Variants in ZNF843 observed in about 807,000 individuals in gnomAD.
ZNF843 encodes the protein zinc finger protein 843.
For missense variants in ZNF843, 482 were observed against 469.4 expected (o/e 1.03, Z -0.25); for synonymous variants, 185 against 207.7 (o/e 0.89, Z 0.94).
At position 31,435,873 on chromosome 16, in the gene ZNF843, C is replaced by A. The variant is rs772425472; in HGVS notation, c.977G>T (p.Trp326Leu). The A allele has an allele frequency of 7.8e-6, 12 of 1,530,736 alleles. No individual in the cohort carries two copies. The African/African-American group carries it at 1.5e-4, about 19-fold the overall frequency. The allele number at this position is 1,530,736 out of a possible 1,614,324, so 94.8% of individuals were successfully genotyped here. The change falls in exon 2 of 2, where the codon TGG (tryptophan) becomes TTG (leucine). Residue 326 changes from tryptophan to leucine, a missense_variant. Trp to Leu is a moderately conservative substitution (Grantham distance 61, BLOSUM62 -2). Transcript: ENST00000315678. ...CGGAAACACTGGTAGGGCTCCTCTC[C>A]AGTGTGGGTTCGAGGGCGGTGGAGG... is the stretch of plus-strand genomic sequence containing the variant. ...RAPPPPSNPH[W>L]RGALPVFPVW... is the part of the protein sequence containing the mutation.
At chr16:31,437,436 TG>T (rs914835656) in intron 1 of ZNF843, among the ~76,000 whole-genome samples, 3 of 150,420 alleles carry the variant, frequency 2.0e-5, no homozygotes, top group Non-Finnish European at 4.4e-5. Context: ...CTCAAGTAGC[TG>T]GGACTGTAGT....
upstream of ZNF843, chr16:31,443,113 T>C (rs1362853631): frequency 1.3e-5 from 2 of 152,256 alleles, no homozygotes; most frequent in African/African-American, 2.4e-5. Flanking sequence ...GCCATGCGCA[T>C]GCACACACGC....
In ZNF843 at chr16:31,436,165, G is replaced by A. The variant is rs1247958829; in HGVS notation, c.685C>T (p.Leu229Phe). 38 of 1,542,020 alleles carry A rather than the reference G, an allele frequency of 2.5e-5. No homozygotes were observed. Among genetic ancestry groups the A allele is most frequent in the Non-Finnish European group, 3.3e-5 (38 of 1,141,806 alleles). Reference protein sequence around the residue: ...PFLYPGPPLSLQPLVPSGLPA... With the variant: ...PFLYPGPPLSFQPLVPSGLPA... ...AGGCCGGATGGAACCAGAGGCTGGA[G>A]ACTGAGTGGGGGGCCAGGATAAAGG... Residue 229 changes from leucine (L) to phenylalanine (F), a missense_variant, in exon 2 of 2, where the codon CTC becomes TTC. Transcript: ENST00000315678.
At chr16:31,439,565 T>C (rs984301128) in intron 1 of ZNF843, among the ~76,000 whole-genome samples, 59 of 152,242 alleles carry the variant, frequency 3.9e-4, no homozygotes, top group Admixed American at 3.5e-3. Flanking sequence ...AAAGAGGAAC[T>C]GCTGTTACCT....
chr16:31,435,705 C>T lies in ZNF843; in HGVS notation c.*98G>A. 2 of 1,232,236 alleles carry T rather than the reference C, an allele frequency of 1.6e-6. No individual in the cohort carries two copies. The highest frequency in any genetic ancestry group is 2.8e-5 in the East Asian group (1 of 35,694). 76.3% of individuals were successfully genotyped at this position (1,232,236 alleles called of 1,614,324 possible). The stretch of plus-strand genomic sequence containing the variant: ...AAGATCTGCCATACAGAAAAGCCGT[C>T]CTGAGCGGGTCTGTGTGGAGGGAGG... On this transcript the variant is annotated 3_prime_UTR_variant, in exon 2 of 2. Coordinates refer to ENST00000315678, the MANE Select transcript of ZNF843 (RefSeq NM_001136509.3).
At chr16:31,437,747 C>T (rs997985863) in intron 1 of ZNF843, among the ~76,000 whole-genome samples, 17 of 151,512 alleles carry the variant, frequency 1.1e-4, no homozygotes, top group African/African-American at 2.9e-4. Context: ...GCCTCAGCCT[C>T]CCGAGTAGCT....
At chr16:31,439,620 C>T (rs1278893234) in intron 1 of ZNF843, among the ~76,000 whole-genome samples, 1 of 152,170 alleles carries the variant, frequency 6.6e-6, no homozygotes, top group Non-Finnish European at 1.5e-5. Context: ...CCAGAGAAGC[C>T]AGACACAAGA....
rs2082182266 is a variant in ZNF843, at chr16:31,436,537, A to C, written c.313T>G (p.Trp105Gly). Residue 105 changes from tryptophan (W) to glycine (G), a missense_variant, in exon 2 of 2, where the codon TGG becomes GGG. Trp to Gly is a radical substitution (Grantham distance 184). Coordinates refer to ENST00000315678, the MANE Select transcript of ZNF843 (RefSeq NM_001136509.3). ...RQGFSGQLCC[W>G]LTKEHTLAEA... The stretch of plus-strand genomic sequence containing the variant: ...GCCAGTGTGTGCTCCTTGGTGAGCC[A>C]GCAGCAGAGCTGGCCGCTAAACCCT... 1 of 1,549,776 alleles carries C rather than the reference A, an allele frequency of 6.5e-7. No individual in the cohort carries two copies. The highest frequency in any genetic ancestry group is 2.0e-5 in the Admixed American group (1 of 50,932).
rs1036220177 is a variant in ZNF843, at chr16:31,437,056, T to C, written c.-207A>G. On this transcript the variant is annotated 5_prime_UTR_variant, in exon 2 of 2. Transcript: ENST00000315678. ...GGGCAATGTCATCTGAAGGTGTTTC[T>C]TGAGGCTCTCGGGCATGTCCCTGGG... 9 of 570,660 alleles carry C rather than the reference T, an allele frequency of 1.6e-5. No homozygotes were observed. The highest frequency in any genetic ancestry group is 2.8e-5 in the Non-Finnish European group (9 of 316,564). The allele number at this position is 570,660 out of a possible 1,614,324, so 35.3% of individuals were successfully genotyped here. A position where few individuals can be genotyped will look rare whatever the true frequency, so the allele number is the denominator to read the frequency against.
chr16:31,436,715 G>A lies in ZNF843; in HGVS notation c.135C>T (p.Ser45=), dbSNP rs1269926666. 1.4e-5 allele frequency: 21 copies of A among 1,551,550 alleles called. No homozygotes were observed. The highest frequency in any genetic ancestry group is 1.7e-4 in the Middle Eastern group (1 of 6,012). ...CKACGRGFTQ[S]ASLLQHWRVH... ...CCCGCCAGTGCTGGAGGAGGGATGC[G>A]CTCTGAGTAAAACCCCTCCCGCAGG... The change falls in exon 2 of 2, where the codon AGC becomes AGT. Residue 45 remains serine, a synonymous_variant. Coordinates refer to ENST00000315678, the MANE Select transcript of ZNF843 (RefSeq NM_001136509.3).
In ZNF843 at chr16:31,436,032, G is replaced by C. The variant is rs988703210; in HGVS notation, c.818C>G (p.Ala273Gly). 2 of 1,534,872 alleles carry C rather than the reference G, an allele frequency of 1.3e-6. No individual in the cohort carries two copies. The highest frequency in any genetic ancestry group is 2.4e-5 in the East Asian group (1 of 40,840). The change falls in exon 2 of 2, where the codon GCG (alanine) becomes GGG (glycine). Residue 273 changes from alanine (A) to glycine (G), a missense_variant. Transcript: ENST00000315678. The part of the protein sequence containing the change: ...QEGAMGPRSC[A>G]SAGRDSREAV... ...CTCCCGCGAGTCCCGTCCCGCGCTCGCACAGCTTCTGGGCCCCATCGCCCC... is the reference window on the plus strand; with the variant it reads ...CTCCCGCGAGTCCCGTCCCGCGCTCCCACAGCTTCTGGGCCCCATCGCCCC...
chr16:31,438,684 C>A (rs932573621), intron 1 of ZNF843, among the ~76,000 whole-genome samples: 6 of 152,088 alleles, frequency 3.9e-5, no homozygotes, highest in African/African-American at 1.4e-4. Context: ...CAGTTATTTC[C>A]CCCTTAACAT....
Position 31,436,097 on chromosome 16 carries a change from G to C in ZNF843, c.753C>G (p.Ala251=). The part of the protein sequence containing the change: ...PAVPLGGLEV[A]QVPPATQPAA... ...CCGGCTGGGTGGCTGGCGGAACCTG[G>C]GCAACTTCCAGGCCTCCCAGAGGCA... is the stretch of plus-strand genomic sequence containing the variant. The change falls in exon 2 of 2, where the codon GCC becomes GCG. Residue 251 remains alanine, a synonymous_variant. Coordinates refer to ENST00000315678, the MANE Select transcript of ZNF843 (RefSeq NM_001136509.3). 6.4e-7 allele frequency: 1 copy of C among 1,550,446 alleles called. No individual in the cohort carries two copies. The highest frequency in any genetic ancestry group is 2.0e-5 in the Admixed American group (1 of 50,882).
At chr16:31,438,824 C>A (rs1043126397) in intron 1 of ZNF843, among the ~76,000 whole-genome samples, 5 of 152,132 alleles carry the variant, frequency 3.3e-5, no homozygotes, top group African/African-American at 1.2e-4. Flanking sequence ...TCTTTTGACT[C>A]ATCGCTCTCC....
chr16:31,436,124 T>A lies in ZNF843; in HGVS notation c.726A>T (p.Ala242=), dbSNP rs927154416. 3.9e-6 allele frequency: 6 copies of A among 1,549,864 alleles called. No individual in the cohort carries two copies. The Admixed American group carries it at 5.9e-5, about 15-fold the overall frequency. ...CAACTTCCAGGCCTCCCAGAGGCAC[T>A]GCAGGCACTGCGGGAAGGCCGGATG... The part of the protein sequence containing the change: ...LVPSGLPAVP[A]VPLGGLEVAQ... The change falls in exon 2 of 2, where the codon GCA becomes GCT. Residue 242 remains alanine (A), a synonymous_variant. Coordinates refer to ENST00000315678, the MANE Select transcript of ZNF843 (RefSeq NM_001136509.3).
intron 1 of ZNF843, among the ~76,000 whole-genome samples, chr16:31,442,195 T>G (rs1362828915): frequency 1.3e-5 from 2 of 152,120 alleles, no homozygotes; most frequent in East Asian, 3.9e-4. Flanking sequence ...GCGTGTGGGG[T>G]CCACGGAACG....
At chr16:31,440,833 C>T (rs1478396012) in intron 1 of ZNF843, among the ~76,000 whole-genome samples, 1 of 152,212 alleles carries the variant, frequency 6.6e-6, no homozygotes, top group African/African-American at 2.4e-5. Context: ...GCAATTCCCG[C>T]AGCTCTCCTT....
rs1194222731 is a variant in ZNF843, at chr16:31,435,943, G to T, written c.907C>A (p.Pro303Thr). ...RKASQHRAAG[P>T]LGEARARLQR... ...AGCCTGGCCCTGGCCTCGCCGAGCG[G>T]TCCGGCCGCTCTGTGCTGCGAGGCC... Residue 303 changes from proline to threonine, a missense_variant, in exon 2 of 2, where the codon CCG becomes ACG. Transcript: ENST00000315678. 7 of 1,541,786 alleles carry T rather than the reference G, an allele frequency of 4.5e-6. No individual in the cohort carries two copies. Among genetic ancestry groups the T allele is most frequent in the Non-Finnish European group, 6.1e-6 (7 of 1,142,354 alleles).
Position 31,436,167 on chromosome 16 carries a change from C to A in ZNF843, c.683G>T (p.Ser228Ile). Residue 228 changes from serine to isoleucine, a missense_variant, in exon 2 of 2, where the codon AGT (serine) becomes ATT (isoleucine). Ser to Ile is a moderately radical substitution (Grantham distance 142). Coordinates refer to ENST00000315678, the MANE Select transcript of ZNF843 (RefSeq NM_001136509.3). ...PPFLYPGPPLSLQPLVPSGLP... is the reference protein window; with the variant it reads ...PPFLYPGPPLILQPLVPSGLP... ...GCCGGATGGAACCAGAGGCTGGAGA[C>A]TGAGTGGGGGGCCAGGATAAAGGAA... The A allele has an allele frequency of 6.5e-7, 1 of 1,541,246 alleles. No homozygotes were observed. Among genetic ancestry groups the A allele is most frequent in the Non-Finnish European group, 8.8e-7 (1 of 1,141,356 alleles).
Sources: gnomAD v4.1 joint callset for allele counts (sites outside exome capture counted in the v4.1 genomes callset) on GRCh38, gnomAD v4.1.1 for gene constraint, MANE v1.5 for transcripts, NCBI Gene and HGNC (gene_info 2026-07-23, HGNC 2026-07-21) for gene names.